LARGE1: variants seen among roughly 807,000 people sequenced by gnomAD.
LARGE1 encodes xylosyl- and glucuronyltransferase LARGE1.
LARGE1 carries 43 observed loss-of-function variants against 87.6 expected under a neutral mutation model. The ratio of observed to expected loss-of-function variants is 0.49; its 90% CI spans 0.38 to 0.63. The LOEUF is 0.63. LARGE1 is among the 30% of genes least tolerant of loss of function. The probability of loss-of-function intolerance (pLI) is 0.00; values close to 1 mark genes in which losing one functional copy is unlikely to be tolerated. For synonymous variants in LARGE1, 434 were observed against 394.6 expected (o/e 1.10, Z -1.18); for missense variants, 802 against 1,000.2 (o/e 0.80, Z 2.67).
intron 5 of LARGE1, among the ~76,000 whole-genome samples, chr22:33,567,637 G>A (rs894055183): frequency 2.0e-5 from 3 of 152,120 alleles, no homozygotes; most frequent in Non-Finnish European, 4.4e-5. Context: ...GATTCTGGGG[G>A]TACACACGCA....
At chr22:33,197,643 A>G (rs527378388) in intron 11 of LARGE1, among the ~76,000 whole-genome samples, 1 of 152,244 alleles carries the variant, frequency 6.6e-6, no homozygotes, top group East Asian at 1.9e-4. Context: ...AAGAAGTTCT[A>G]AATAAATGAA....
At chr22:33,894,077 A>G in intron 1 of LARGE1, among the ~76,000 whole-genome samples, 1 of 151,892 alleles carries the variant, frequency 6.6e-6, no homozygotes, top group Non-Finnish European at 1.5e-5. Context: ...CTCCCCATCT[A>G]GAGGCTGACC....
chr22:33,335,792 C>T (rs1319828000), intron 10 of LARGE1, among the ~76,000 whole-genome samples: 1 of 152,190 alleles, frequency 6.6e-6, no homozygotes, highest in Admixed American at 6.5e-5. Context: ...CTGGGAGGCT[C>T]ATTCATGTCA....
intron 11 of LARGE1, among the ~76,000 whole-genome samples, chr22:33,243,523 T>C (rs1926615859): frequency 6.6e-6 from 1 of 152,218 alleles, no homozygotes; most frequent in Non-Finnish European, 1.5e-5. Flanking sequence ...TGTCAGGCAA[T>C]TTTTCTGTAA....
downstream of LARGE1, among the ~76,000 whole-genome samples, chr22:33,268,584 C>T (rs866949864): frequency 2.0e-5 from 3 of 151,736 alleles, no homozygotes; most frequent in Admixed American, 6.6e-5. Context: ...CCCGCCACCA[C>T]GCCCGGCTAA....
intron 3 of LARGE1, among the ~76,000 whole-genome samples, chr22:33,629,771 T>G (rs780037107): frequency 6.6e-6 from 1 of 152,202 alleles, no homozygotes; most frequent in Non-Finnish European, 1.5e-5. Flanking sequence ...TCACAACTAT[T>G]CAACATTCCT....
chr22:33,285,818 G>A lies in LARGE1; in HGVS notation c.1731-2470C>T, dbSNP rs562502609. 5.3e-5 allele frequency among the ~76,000 whole-genome samples: 8 copies of A among 152,106 alleles called. No individual in the cohort carries two copies. The South Asian group carries it at 8.3e-4, about 16-fold the overall frequency. On this transcript the variant is annotated intron_variant, in intron 12 of 14. Transcript: ENST00000397394. ...CAAAACAGGGTGGCAGTCCCAGAAG[G>A]ACACAGGACATCAGCAGGGCTTCGT...
chr22:33,102,441 G>A, the LARGE1 span, among the ~76,000 whole-genome samples: 1 of 152,036 alleles, frequency 6.6e-6, no homozygotes, highest in South Asian at 2.1e-4. Flanking sequence ...AAAGTGCTGG[G>A]ATTACAGGTA....
intron 7 of LARGE1, among the ~76,000 whole-genome samples, chr22:33,420,019 C>T (rs2147559603): frequency 6.6e-6 from 1 of 152,180 alleles, no homozygotes; most frequent in Middle Eastern, 3.4e-3. Flanking sequence ...TATGGGGGGA[C>T]TGTCTGGTGT....
chr22:33,811,811 G>A (rs1041471541), intron 1 of LARGE1, among the ~76,000 whole-genome samples: 1 of 152,226 alleles, frequency 6.6e-6, no homozygotes, highest in Non-Finnish European at 1.5e-5. Context: ...AAGAATGATG[G>A]ATTAGGAGAC....
intron 9 of LARGE1, among the ~76,000 whole-genome samples, chr22:33,371,060 T>C (rs1420404427): frequency 6.6e-6 from 1 of 150,870 alleles, no homozygotes; most frequent in Non-Finnish European, 1.5e-5. Context: ...ATAATACATG[T>C]TATAGAATAA....
intron 6 of LARGE1, among the ~76,000 whole-genome samples, chr22:33,525,704 G>T (rs1383337120): frequency 6.6e-6 from 1 of 152,018 alleles, no homozygotes; most frequent in Non-Finnish European, 1.5e-5. Flanking sequence ...GAGAGGCTAC[G>T]GGGACGGGAA....
intron 4 of LARGE1, among the ~76,000 whole-genome samples, chr22:33,623,278 C>G (rs931225975): frequency 1.3e-5 from 2 of 151,898 alleles, no homozygotes; most frequent in African/African-American, 4.8e-5. Flanking sequence ...GGATGAAGGC[C>G]GTAGTACTGA....
At chr22:33,718,828 G>A (rs2082990112) in intron 2 of LARGE1, among the ~76,000 whole-genome samples, 1 of 152,132 alleles carries the variant, frequency 6.6e-6, no homozygotes, top group Admixed American at 6.6e-5. Context: ...CCCAGGCTGG[G>A]TCACCAGGCT....
the LARGE1 span, among the ~76,000 whole-genome samples, chr22:33,132,280 C>A: frequency 0.015 from 2,220 of 152,046 alleles, 36 homozygotes; most frequent in Admixed American, 0.054. Context: ...ACCTTTCTGG[C>A]GCAAGGGATC....
At chr22:33,166,836 G>C (rs1264169988) in intron 11 of LARGE1, 1 of 471,370 alleles carries the variant, frequency 2.1e-6, no homozygotes, top group Non-Finnish European at 4.4e-6. Flanking sequence ...ATCAAAGCTA[G>C]AAGCAAAAGA....
intron 1 of LARGE1, among the ~76,000 whole-genome samples, chr22:33,825,371 C>G (rs565092821): frequency 6.4e-5 from 8 of 125,796 alleles, no homozygotes; most frequent in Middle Eastern, 5.2e-3. Flanking sequence ...AAGACATACC[C>G]GAGACTGGGT....
chr22:33,514,771 A>C (rs2071222204), intron 6 of LARGE1, among the ~76,000 whole-genome samples: 1 of 152,190 alleles, frequency 6.6e-6, no homozygotes, highest in Admixed American at 6.5e-5. Flanking sequence ...GACAATCACG[A>C]GTTTCAGTCC....
At position 33,726,700 on chromosome 22, in the gene LARGE1, T is replaced by A. The variant is rs144515696; in HGVS notation, c.106+34671A>T. On this transcript the variant is annotated intron_variant, in intron 2 of 14. Coordinates refer to ENST00000397394, the MANE Select transcript of LARGE1 (RefSeq NM_133642.5). ...AGTCCTTTTTAATATGGTGTATTTG[T>A]GAAGCTTCCATTACTTGGCCAGCCC... Among the ~76,000 whole-genome samples the A allele has an allele frequency of 5.9e-5, 9 of 152,334 alleles. No individual in the cohort carries two copies. The East Asian group carries it at 1.7e-3, about 29-fold the overall frequency.
Sources: allele counts gnomAD v4.1 joint callset (sites outside exome capture counted in the v4.1 genomes callset), GRCh38; gene constraint gnomAD v4.1.1; transcripts MANE v1.5; gene names NCBI Gene and HGNC (gene_info 2026-07-23, HGNC 2026-07-21).